FN3K: variants seen among roughly 807,000 people sequenced by gnomAD.
FN3K encodes the protein fructosamine 3 kinase, also known as fructosamine-3-kinase.
Under a neutral mutation model 24.8 loss-of-function variants are expected in FN3K, and 24 were observed. The ratio of observed to expected loss-of-function variants is 0.97; its 90% CI spans 0.70 to 1.36. The LOEUF (loss-of-function observed/expected upper bound fraction) is 1.36. Ranked by LOEUF, FN3K falls within the 40% of genes most tolerant of loss-of-function variation. FN3K has a pLI of 0.00. For synonymous variants in FN3K, 192 were observed against 175.2 expected (o/e 1.10, Z -0.76); for missense variants, 449 against 416.7 (o/e 1.08, Z -0.67).
At position 82,740,795 on chromosome 17, in the gene FN3K, A is replaced by G; in HGVS notation, c.326A>G (p.Asp109Gly). The G allele has an allele frequency of 6.2e-7, 1 of 1,613,778 alleles. No homozygotes were observed. Among genetic ancestry groups the G allele is most frequent in the African/African-American group, 1.3e-5 (1 of 75,040 alleles). ...QASKLGEQMA[D>G]LHLYNQKLRE... is the part of the protein sequence containing the mutation. ...TCAAAACTTGGAGAGCAGATGGCAGATTTGCATCTTTACAACCAGAAGCTC... is the reference window on the plus strand; with the variant it reads ...TCAAAACTTGGAGAGCAGATGGCAGGTTTGCATCTTTACAACCAGAAGCTC... Residue 109 changes from aspartate to glycine, a missense_variant, in exon 3 of 6, where the codon GAT becomes GGT. Physicochemically the swap from Asp to Gly is moderately conservative, Grantham distance 94. Coordinates refer to ENST00000300784, the MANE Select transcript of FN3K (RefSeq NM_022158.4).
rs1414960584 is a variant in FN3K, at chr17:82,738,634, T to C, written c.287T>C (p.Leu96Ser). Residue 96 changes from leucine to serine, a missense_variant, in exon 2 of 6, where the codon TTG becomes TCG. Transcript: ENST00000300784. ...ATGGAGCATTTGAAGATGAAGAGCT[T>C]GAGCAGGTGAGTGTGTGTGAGACCC... The part of the protein sequence containing the change: ...FVMEHLKMKS[L>S]SSQASKLGEQ... 28 of 1,613,934 alleles carry C rather than the reference T, an allele frequency of 1.7e-5. No homozygotes were observed. Among genetic ancestry groups the C allele is most frequent in the Non-Finnish European group, 2.2e-5 (26 of 1,179,956 alleles).
At chr17:82,741,230 G>A in intron 3 of FN3K, 81 bp from the exon 4 acceptor site, 1 of 1,286,500 alleles carries the variant, frequency 7.8e-7, no homozygotes, top group South Asian at 1.3e-5. Context: ...CGTAGCCCAG[G>A]CTTGTACTGA....
At position 82,747,114 on chromosome 17, in the gene FN3K, C is replaced by T. The variant is rs557325353; in HGVS notation, c.469-1741C>T. 2.2e-4 allele frequency among the ~76,000 whole-genome samples: 33 copies of T among 151,822 alleles called. No homozygotes were observed. The East Asian group carries it at 2.9e-3, about 13-fold the overall frequency. ...CTGGGATTACAGGTGTGAGCCACCG[C>T]GCCTGGCCTCTTGCTTACTTTAGGT... On this transcript the variant is annotated intron_variant, in intron 4 of 5. Coordinates refer to ENST00000300784, the MANE Select transcript of FN3K (RefSeq NM_022158.4).
At chr17:82,738,322 G>GC in intron 1 of FN3K, 167 bp from the exon 2 acceptor site, 3 of 825,836 alleles carry the variant, frequency 3.6e-6, no homozygotes, top group Admixed American at 5.5e-5. Flanking sequence ...CCGACGGGGG[G>GC]CCCCTCTGCA....
intron 1 of FN3K, 143 bp from the exon 2 acceptor site, chr17:82,738,345 TG>T: frequency 1.8e-6 from 2 of 1,106,598 alleles, no homozygotes; most frequent in Non-Finnish European, 1.3e-6. Flanking sequence ...CTGCCCTCTG[TG>T]GTGGACGCCA....
At chr17:82,741,759 CA>C (rs2046942198) in intron 4 of FN3K, among the ~76,000 whole-genome samples, 2 of 152,194 alleles carry the variant, frequency 1.3e-5, no homozygotes, top group Admixed American at 1.3e-4. Context: ...GAGGCCTTTA[CA>C]AATTATTATT....
chr17:82,741,432 G>A (rs748611586), intron 4 of FN3K, 39 bp downstream of exon 4: 11 of 1,545,792 alleles, frequency 7.1e-6, no homozygotes, highest in African/African-American at 1.4e-5. Flanking sequence ...ATGCCCTAAT[G>A]CTGGTCACCC....
chr17:82,749,102 G>T, intron 5 of FN3K, 125 bp downstream of exon 5: 6 of 1,455,366 alleles, frequency 4.1e-6, no homozygotes, highest in Non-Finnish European at 5.6e-6. Flanking sequence ...ACACATCAGG[G>T]AGGAAGGGGG....
At chr17:82,747,051 C>G (rs1283737375) in intron 4 of FN3K, among the ~76,000 whole-genome samples, 1 of 151,970 alleles carries the variant, frequency 6.6e-6, no homozygotes, top group Non-Finnish European at 1.5e-5. Flanking sequence ...TCTCGAACTC[C>G]TGATCTTGTG....
intron 2 of FN3K, 28 bp downstream of exon 2, chr17:82,738,668 AC>A (rs750074336): frequency 6.2e-6 from 10 of 1,612,606 alleles, no homozygotes; most frequent in Non-Finnish European, 8.5e-6. Flanking sequence ...CCATATGCGC[AC>A]ATGTGTACAG....
chr17:82,742,049 A>G (rs1372564465), intron 4 of FN3K, among the ~76,000 whole-genome samples: 2 of 152,154 alleles, frequency 1.3e-5, no homozygotes, highest in Non-Finnish European at 2.9e-5. Context: ...CTGGGATTAC[A>G]GGCATGCACC....
At chr17:82,744,998 G>C (rs1383062139) in intron 4 of FN3K, 1 of 152,176 alleles carries the variant, frequency 6.6e-6, no homozygotes. Flanking sequence ...GGACGGGCAG[G>C]AGACAGATGC....
chr17:82,741,896 C>CT lies in FN3K; in HGVS notation c.468+506dup, dbSNP rs540904661. On this transcript the variant is annotated intron_variant, in intron 4 of 5. Transcript: ENST00000300784. ...CTGCTGTTTAACTCCAGAACATTTTCTTTCTTTTCTTTTCTTTTTTATTTT... is the reference window on the plus strand; with the variant it reads ...CTGCTGTTTAACTCCAGAACATTTTCTTTTCTTTTCTTTTCTTTTTTATTTT... Among the ~76,000 whole-genome samples, 282 of 152,250 alleles carry CT rather than the reference C, an allele frequency of 1.9e-3. 1 individual carries two copies. The highest frequency in any genetic ancestry group is 2.7e-3 in the Non-Finnish European group (184 of 68,004).
chr17:82,737,554 C>T, intron 1 of FN3K: 1 of 152,236 alleles, frequency 6.6e-6, no homozygotes, highest in East Asian at 1.9e-4. Flanking sequence ...AATCTCCTGA[C>T]CTTGTGATCC....
At chr17:82,740,883 T>C in intron 3 of FN3K, 29 bp downstream of exon 3, 2 of 1,492,790 alleles carry the variant, frequency 1.3e-6, no homozygotes, top group Non-Finnish European at 1.9e-6. Flanking sequence ...TGGGTACCCT[T>C]GATCCAGCCA....
intron 5 of FN3K, chr17:82,749,460 T>C: frequency 3.6e-6 from 1 of 274,094 alleles, no homozygotes; most frequent in Non-Finnish European, 7.2e-6. Flanking sequence ...GGTCAGGAGT[T>C]TGAGACCAGC....
In FN3K at chr17:82,738,662, A is replaced by T. The variant is rs754084301; in HGVS notation, c.293+22A>T. The T allele has an allele frequency of 3.7e-6, 6 of 1,612,996 alleles. No homozygotes were observed. In the East Asian group the frequency reaches 1.1e-4, roughly 30 times the overall value. ...GCAGGTGAGTGTGTGTGAGACCCAT[A>T]TGCGCACATGTGTACAGGCAGAGAG... On this transcript the variant is annotated intron_variant, in intron 2 of 5. Coordinates refer to ENST00000300784, the MANE Select transcript of FN3K (RefSeq NM_022158.4).
At chr17:82,738,765 G>A in intron 2 of FN3K, 125 bp downstream of exon 2, 1 of 1,251,420 alleles carries the variant, frequency 8.0e-7, no homozygotes. Flanking sequence ...GAAGCCTGTG[G>A]CTGAGCCGTC....
At position 82,748,900 on chromosome 17, in the gene FN3K, C is replaced by A; in HGVS notation, c.514C>A (p.Arg172=). 1 of 1,613,918 alleles carries A rather than the reference C, an allele frequency of 6.2e-7. No individual in the cohort carries two copies. Residue 172 remains arginine, a synonymous_variant, in exon 5 of 6, where the codon CGG becomes AGG. Coordinates refer to ENST00000300784, the MANE Select transcript of FN3K (RefSeq NM_022158.4). ...DDWPTFFARH[R]LQAQLDLIEK... The stretch of plus-strand genomic sequence containing the variant: ...CTGGCCGACCTTTTTCGCCCGGCAC[C>A]GGCTCCAGGCGCAGCTGGACCTCAT...
Sources: gnomAD v4.1 joint callset for allele counts (sites outside exome capture counted in the v4.1 genomes callset) on GRCh38, gnomAD v4.1.1 for gene constraint, MANE v1.5 for transcripts, NCBI Gene and HGNC (gene_info 2026-07-23, HGNC 2026-07-21) for gene names.